Variants in TRAK1 observed in about 807,000 individuals in gnomAD.
TRAK1 encodes trafficking kinesin protein 1, also known as trafficking kinesin-binding protein 1.
A neutral mutation model predicts 92.1 loss-of-function variants in TRAK1; 33 were observed. The ratio of observed to expected loss-of-function variants is 0.36; its 90% CI spans 0.27 to 0.48. The LOEUF is 0.48. Ranked by LOEUF, TRAK1 falls within the 20% of genes least tolerant of loss-of-function variation. The pLI, the probability that TRAK1 is intolerant of heterozygous loss-of-function variation, is 0.99. For synonymous variants in TRAK1, 521 were observed against 517.3 expected (o/e 1.01, Z -0.10); for missense variants, 1,123 against 1,257.9 (o/e 0.89, Z 1.62).
At position 42,212,353 on chromosome 3, in the gene TRAK1, T is replaced by G. The variant is rs149135968; in HGVS notation, c.1963+2368T>G. ...GGGAACACTCAGTAGGGAGACACTTTGGAGACAGGAGGTGATGAACCTTTT... is the reference window on the plus strand; with the variant it reads ...GGGAACACTCAGTAGGGAGACACTTGGGAGACAGGAGGTGATGAACCTTTT... On this transcript the variant is annotated intron_variant, in intron 14 of 15. Transcript: ENST00000327628. The G allele has an allele frequency of 6.5e-4, 640 of 985,442 alleles. 2 individuals are homozygous for G. The Middle Eastern group carries it at 0.015, about 23-fold the overall frequency. 61.0% of individuals were successfully genotyped at this position (985,442 alleles called of 1,614,324 possible). A position where few individuals can be genotyped will look rare whatever the true frequency, so the allele number is the denominator to read the frequency against.
At chr3:42,176,577 C>G (rs931285328) in intron 2 of TRAK1, among the ~76,000 whole-genome samples, 1 of 152,180 alleles carries the variant, frequency 6.6e-6, no homozygotes, top group Admixed American at 6.5e-5. Context: ...CACAGACACA[C>G]AATGTCAAGG....
intron 2 of TRAK1, among the ~76,000 whole-genome samples, chr3:42,155,243 G>A (rs991452210): frequency 1.2e-4 from 19 of 152,052 alleles, no homozygotes; most frequent in Non-Finnish European, 1.5e-4. Context: ...ACTTGGAAAC[G>A]TGGGATACTC....
intron 1 of TRAK1, among the ~76,000 whole-genome samples, chr3:42,067,607 T>TC (rs149426162): frequency 0.027 from 4,103 of 152,128 alleles, 216 homozygotes; most frequent in African/African-American, 0.094. Flanking sequence ...TTTTTTTTTT[T>TC]CAGGCTTTGT....
intron 1 of TRAK1, among the ~76,000 whole-genome samples, chr3:42,107,139 C>T (rs909398242): frequency 6.6e-6 from 1 of 152,200 alleles, no homozygotes; most frequent in East Asian, 1.9e-4. Context: ...GGCAGCTGCT[C>T]AGGCTACCTT....
chr3:42,063,611 G>A (rs1239341496), intron 1 of TRAK1, among the ~76,000 whole-genome samples: 5 of 151,974 alleles, frequency 3.3e-5, no homozygotes, highest in Non-Finnish European at 7.4e-5. Flanking sequence ...GCTTGAGCCT[G>A]GGAGACAGAG....
chr3:42,026,715 G>A (rs1295489140), intron 1 of TRAK1, among the ~76,000 whole-genome samples: 1 of 151,980 alleles, frequency 6.6e-6, no homozygotes, highest in Non-Finnish European at 1.5e-5. Flanking sequence ...AGTAGAGATG[G>A]AATTTCACCA....
chr3:42,064,588 AC>A (rs951565674), intron 1 of TRAK1, among the ~76,000 whole-genome samples: 93 of 152,350 alleles, frequency 6.1e-4, no homozygotes, highest in African/African-American at 2.2e-3. Flanking sequence ...TTATGGAAAT[AC>A]AAATACATAA....
upstream of TRAK1, among the ~76,000 whole-genome samples, chr3:42,087,999 G>A (rs1704768996): frequency 6.6e-6 from 1 of 152,208 alleles, no homozygotes; most frequent in South Asian, 2.1e-4. Flanking sequence ...ATTGAGACAA[G>A]TGCTTGAAGC....
Position 42,202,832 on chromosome 3 carries a change from G to C in TRAK1, c.1744+80G>C. 1 of 1,574,966 alleles carries C rather than the reference G, an allele frequency of 6.3e-7. No homozygotes were observed. ...CCCTGATCCACCTGCGGAAGGCGGG[G>C]CACCTCTGTCACGCCTACTCCTTTT... On this transcript the variant is annotated intron_variant, in intron 13 of 15. Coordinates refer to ENST00000327628, the MANE Select transcript of TRAK1 (RefSeq NM_001042646.3). This position sits in a 1 kb window ranked among gnomAD's most constrained non-coding sequence, Gnocchi z 6.1.
At chr3:42,113,386 C>CG (rs1708737264) in intron 1 of TRAK1, among the ~76,000 whole-genome samples, 1 of 41,566 alleles carries the variant, frequency 2.4e-5, no homozygotes, top group Non-Finnish European at 5.2e-5. Flanking sequence ...CTACCCCTAC[C>CG]CCTACCCCTA....
At chr3:42,168,431 T>C (rs1253798714) in intron 2 of TRAK1, among the ~76,000 whole-genome samples, 1 of 152,216 alleles carries the variant, frequency 6.6e-6, no homozygotes, top group African/African-American at 2.4e-5. Context: ...CCATTTTAAC[T>C]AGACAATTCA....
At chr3:42,052,922 T>C (rs1703039063) in intron 1 of TRAK1, among the ~76,000 whole-genome samples, 1 of 152,176 alleles carries the variant, frequency 6.6e-6, no homozygotes, top group South Asian at 2.1e-4. Flanking sequence ...GAAGTCATTT[T>C]CCCAAGGCAT....
chr3:42,087,705 C>G (rs915870431), upstream of TRAK1, among the ~76,000 whole-genome samples: 1 of 152,210 alleles, frequency 6.6e-6, no homozygotes, highest in African/African-American at 2.4e-5. Context: ...CAAGCATGGC[C>G]CATCACAGGC....
intron 2 of TRAK1, among the ~76,000 whole-genome samples, chr3:42,162,634 T>G (rs531949339): frequency 2.6e-5 from 4 of 152,206 alleles, no homozygotes; most frequent in Non-Finnish European, 5.9e-5. Context: ...AATATGCAGT[T>G]GAGCAGTAGG....
intron 2 of TRAK1, among the ~76,000 whole-genome samples, chr3:42,144,801 A>G (rs896717711): frequency 1.3e-5 from 2 of 151,060 alleles, no homozygotes; most frequent in Non-Finnish European, 2.9e-5. Flanking sequence ...ATAAAATTGT[A>G]CTGGAGAAAA....
chr3:42,176,679 G>A (rs577480820), intron 2 of TRAK1, 135 bp from the exon 3 acceptor site: 191 of 753,926 alleles, frequency 2.5e-4, no homozygotes, highest in Admixed American at 3.6e-4. Context: ...AGTACATTGC[G>A]GGTTGAACCC....
chr3:42,110,132 A>ATATATATATATATATATATATATATATAT (rs58099544), intron 1 of TRAK1, among the ~76,000 whole-genome samples: 4 of 128,222 alleles, frequency 3.1e-5, no homozygotes, highest in African/African-American at 5.8e-5. Flanking sequence ...ATATATATAT[A>ATATATATATATATATATATATATATATAT]AACTTTGTGT....
intron 2 of TRAK1, among the ~76,000 whole-genome samples, chr3:42,176,452 C>G (rs969813153): frequency 3.3e-5 from 5 of 152,198 alleles, no homozygotes; most frequent in Non-Finnish European, 7.3e-5. Context: ...TCTGATCATT[C>G]ACACATGGGT....
chr3:42,145,466 CAG>C (rs1699204137), intron 2 of TRAK1, among the ~76,000 whole-genome samples: 1 of 143,436 alleles, frequency 7.0e-6, no homozygotes, highest in African/African-American at 2.6e-5. Flanking sequence ...GCTTGGACAA[CAG>C]AGTGAGACTC....
Sources: allele counts gnomAD v4.1 joint callset (sites outside exome capture counted in the v4.1 genomes callset), GRCh38; gene constraint gnomAD v4.1.1; non-coding constraint Gnocchi (gnomAD v3.1); transcripts MANE v1.5; gene names NCBI Gene and HGNC (gene_info 2026-07-23, HGNC 2026-07-21).